Variants in PRPF18 observed in about 807,000 individuals in gnomAD.
PRPF18 encodes the protein pre-mRNA-splicing factor 18.
Under a neutral mutation model 46.5 loss-of-function variants are expected in PRPF18, and 38 were observed. That is an observed-to-expected ratio of 0.82 (90% CI 0.63 to 1.07). The LOEUF is 1.07. Ranked by LOEUF, PRPF18 falls within the 50% of genes least tolerant of loss-of-function variation. The pLI, the probability that PRPF18 is intolerant of heterozygous loss-of-function variation, is 0.00. For missense variants in PRPF18, 263 were observed against 410.0 expected (o/e 0.64, Z 3.10); for synonymous variants, 152 against 146.7 (o/e 1.04, Z -0.26).
At chr10:13,632,466 T>G (rs2080598917), downstream of PRPF18, 1 of 152,230 alleles carries the variant, frequency 6.6e-6, no homozygotes. Context: ...TAAATATTGT[T>G]GAATGAGTAC....
the PRPF18 span, among the ~76,000 whole-genome samples, chr10:13,637,474 T>C: frequency 1.3e-5 from 2 of 152,256 alleles, no homozygotes; most frequent in Non-Finnish European, 1.5e-5. Context: ...TTGGATGTTA[T>C]CTTTTGTGAA....
chr10:13,624,931 T>G (rs7098174), intron 9 of PRPF18, among the ~76,000 whole-genome samples: 29,175 of 152,130 alleles, frequency 0.19, 2,938 homozygotes, highest in South Asian at 0.33. Context: ...ATCAGACATT[T>G]GGAGAAAGTC....
At chr10:13,654,126 G>T in the PRPF18 span, 2 of 531,448 alleles carry the variant, frequency 3.8e-6, no homozygotes, top group Non-Finnish European at 6.6e-6. Context: ...ATGCTGTCTG[G>T]AAATCTTACC....
At chr10:13,634,396 C>G (rs533480958), downstream of PRPF18, among the ~76,000 whole-genome samples, 1 of 152,188 alleles carries the variant, frequency 6.6e-6, no homozygotes, top group South Asian at 2.1e-4. Context: ...TTCGAGCTGC[C>G]TTTTGGTGAT....
At chr10:13,644,712 A>T in the PRPF18 span, 1 of 152,192 alleles carries the variant, frequency 6.6e-6, no homozygotes, top group African/African-American at 2.4e-5. Flanking sequence ...TTCCTGTTGC[A>T]CACAGTTCAG....
chr10:13,597,547 T>C lies in PRPF18; in HGVS notation c.144+12T>C, dbSNP rs765143465. ...GATGTGGCTACAAGGTATGAATGTC[T>C]GCTTTTATGTTAAATTGTACATTTC... On this transcript the variant is annotated intron_variant, in intron 2 of 9. Coordinates refer to ENST00000378572, the MANE Select transcript of PRPF18 (RefSeq NM_003675.4). 3.1e-6 allele frequency: 5 copies of C among 1,605,640 alleles called. No homozygotes were observed. The highest frequency in any genetic ancestry group is 3.4e-6 in the Non-Finnish European group (4 of 1,175,318).
At chr10:13,623,484 A>C (rs1194753493) in intron 9 of PRPF18, among the ~76,000 whole-genome samples, 1 of 152,166 alleles carries the variant, frequency 6.6e-6, no homozygotes, top group East Asian at 1.9e-4. Context: ...TTTATTCTTC[A>C]CGTTCTTAGG....
the PRPF18 span, among the ~76,000 whole-genome samples, chr10:13,636,729 A>C: frequency 3.9e-4 from 59 of 152,280 alleles, no homozygotes; most frequent in African/African-American, 1.4e-3. Flanking sequence ...ACTCCCCAGA[A>C]ATCTCTTCAT....
chr10:13,602,354 T>C (rs1007149507), intron 3 of PRPF18, among the ~76,000 whole-genome samples: 10 of 152,202 alleles, frequency 6.6e-5, no homozygotes, highest in African/African-American at 2.4e-4. Flanking sequence ...GATTTGCAGA[T>C]CAACATATTT....
At chr10:13,588,954 T>C (rs1303804060) in intron 1 of PRPF18, among the ~76,000 whole-genome samples, 1 of 152,218 alleles carries the variant, frequency 6.6e-6, no homozygotes, top group Non-Finnish European at 1.5e-5. Flanking sequence ...ACGTTAAAAA[T>C]ACTCACTGAT....
At chr10:13,648,576 G>C in the PRPF18 span, 1 of 152,164 alleles carries the variant, frequency 6.6e-6, no homozygotes, top group Non-Finnish European at 1.5e-5. Flanking sequence ...GTGGCCACGT[G>C]CCTGAGCAGC....
At chr10:13,640,196 C>G in the PRPF18 span, 3 of 152,298 alleles carry the variant, frequency 2.0e-5, no homozygotes, top group African/African-American at 7.2e-5. Context: ...CCCAGCCTTG[C>G]CTCTGGTTCC....
intron 1 of PRPF18, among the ~76,000 whole-genome samples, chr10:13,595,913 C>T (rs529972924): frequency 6.6e-6 from 1 of 152,264 alleles, no homozygotes; most frequent in South Asian, 2.1e-4. Context: ...ACATGCAGCT[C>T]TAGAAAATGA....
intron 1 of PRPF18, among the ~76,000 whole-genome samples, chr10:13,587,588 G>A (rs2079894989): frequency 6.6e-6 from 1 of 152,248 alleles, no homozygotes; most frequent in Non-Finnish European, 1.5e-5. Flanking sequence ...CATTGGCCGT[G>A]GGCCAATCAC....
At chr10:13,594,700 G>A (rs138630265) in intron 1 of PRPF18, among the ~76,000 whole-genome samples, 195 of 152,326 alleles carry the variant, frequency 1.3e-3, no homozygotes, top group African/African-American at 4.4e-3. Flanking sequence ...GTATTGGGAA[G>A]CTATTAAGCT....
intron 9 of PRPF18, among the ~76,000 whole-genome samples, chr10:13,625,607 G>C (rs1336468984): frequency 1.3e-5 from 2 of 152,160 alleles, no homozygotes; most frequent in Admixed American, 6.5e-5. Flanking sequence ...ACGTGAGTTT[G>C]TAGAATGAAA....
chr10:13,608,615 G>A (rs1052923379), intron 4 of PRPF18, among the ~76,000 whole-genome samples: 1 of 152,104 alleles, frequency 6.6e-6, no homozygotes, highest in African/African-American at 2.4e-5. Flanking sequence ...ATCTTCTCTC[G>A]GAATCTATTT....
chr10:13,655,005 C>T, the PRPF18 span: 422 of 160,824 alleles, frequency 2.6e-3, 1 homozygote, highest in South Asian at 0.015. Context: ...GTTCTCAGAG[C>T]CTGCTCTCTC....
At chr10:13,649,353 T>TGTTG in the PRPF18 span, 1 of 127,408 alleles carries the variant, frequency 7.8e-6, no homozygotes, top group African/African-American at 2.7e-5. Flanking sequence ...AGAGCCTAAC[T>TGTTG]GTTGGCTGGC....
Sources: allele counts gnomAD v4.1 joint callset (sites outside exome capture counted in the v4.1 genomes callset), GRCh38; gene constraint gnomAD v4.1.1; transcripts MANE v1.5; gene names NCBI Gene and HGNC (gene_info 2026-07-23, HGNC 2026-07-21).